The following CDC42EP4 variants were observed in gnomAD, a reference collection of about 807,000 sequenced individuals.
CDC42EP4 encodes the protein CDC42 effector protein 4, also known as CDC42 effector protein (Rho GTPase binding) 4.
CDC42EP4 carries 6 observed loss-of-function variants against 5.6 expected under a neutral mutation model. The observed-to-expected ratio is 1.07, with a 90% CI of 0.59 to 2.12. The LOEUF (loss-of-function observed/expected upper bound fraction) is 2.12, where lower values mean the gene tolerates loss of function less well. CDC42EP4 is among the 30% of genes most tolerant of loss of function. The pLI is 0.00. For synonymous variants in CDC42EP4, 230 were observed against 224.2 expected (o/e 1.03, Z -0.23); for missense variants, 490 against 508.6 (o/e 0.96, Z 0.35).
At chr17:73,295,920 A>C (rs997388538) in intron 1 of CDC42EP4, among the ~76,000 whole-genome samples, 14 of 151,756 alleles carry the variant, frequency 9.2e-5, no homozygotes, top group Non-Finnish European at 2.9e-5. Context: ...AAAAAAAAAA[A>C]AAGAATGATG....
chr17:73,310,787 A>G (rs1854423526), intron 1 of CDC42EP4: 3 of 120,686 alleles, frequency 2.5e-5, no homozygotes, highest in Admixed American at 8.1e-5. Flanking sequence ...ACACACACAC[A>G]CACACACGCA....
At chr17:73,306,312 A>G (rs930058707) in intron 1 of CDC42EP4, among the ~76,000 whole-genome samples, 3 of 150,694 alleles carry the variant, frequency 2.0e-5, no homozygotes, top group African/African-American at 7.4e-5. Flanking sequence ...CCTGGGCAGC[A>G]CAGTGAGACC....
intron 1 of CDC42EP4, among the ~76,000 whole-genome samples, chr17:73,296,205 G>A (rs1391719042): frequency 1.5e-5 from 2 of 134,130 alleles, no homozygotes. Flanking sequence ...CCAATATGGC[G>A]AAACCCTGTC....
rs921304998 is a variant in CDC42EP4 at position 73,286,592 on chromosome 17, C to T, written c.-92G>A. 20 of 869,284 alleles carry T rather than the reference C, an allele frequency of 2.3e-5. No homozygotes were observed. Among genetic ancestry groups the T allele is most frequent in the Non-Finnish European group, 3.1e-5 (18 of 577,374 alleles). 53.8% of individuals were successfully genotyped at this position (869,284 alleles called of 1,614,324 possible). On this transcript the variant is annotated 5_prime_UTR_variant, in exon 2 of 2. Transcript: ENST00000335793. This position sits in a 1 kb window ranked among gnomAD's most constrained non-coding sequence, Gnocchi z 7.7. ...TCCAAGTCCAGTGGGCAGAGGGGGA[C>T]GCAATGAGGAGATCATAAGGCTGCA...
intron 1 of CDC42EP4, among the ~76,000 whole-genome samples, chr17:73,299,156 G>T (rs976305569): frequency 3.9e-5 from 6 of 152,064 alleles, no homozygotes; most frequent in African/African-American, 1.4e-4. Context: ...GGGTGCAGTG[G>T]CTCACGCCTG....
chr17:73,284,348 ATAT>A lies in CDC42EP4; in HGVS notation c.*1079_*1081del, dbSNP rs1324964459. 1.3e-5 allele frequency: 2 copies of A among 152,134 alleles called. No homozygotes were observed. Among genetic ancestry groups the A allele is most frequent in the African/African-American group, 2.4e-5 (1 of 41,426 alleles). The allele number at this position is 152,134 out of a possible 1,614,324, so 9.4% of individuals were successfully genotyped here. On this transcript the variant is annotated 3_prime_UTR_variant, in exon 2 of 2. Coordinates refer to ENST00000335793, the MANE Select transcript of CDC42EP4 (RefSeq NM_012121.5). ...AAGGCTTTCCCCCCATAGGAATGAT[ATAT>A]TATTTAAAAAAAAAATCGTTCTCCA...
intron 1 of CDC42EP4, chr17:73,311,406 TC>T (rs2145334400): frequency 6.6e-6 from 1 of 152,422 alleles, no homozygotes; most frequent in African/African-American, 2.4e-5. Flanking sequence ...AGAATTCGGT[TC>T]TTATTCATGG....
At chr17:73,297,464 A>G (rs1281484507) in intron 1 of CDC42EP4, among the ~76,000 whole-genome samples, 1 of 151,982 alleles carries the variant, frequency 6.6e-6, no homozygotes, top group East Asian at 1.9e-4. Context: ...ATAGAGTGAG[A>G]CTCTGTCTCA....
chr17:73,309,077 G>A (rs937772138), intron 1 of CDC42EP4, among the ~76,000 whole-genome samples: 10 of 141,614 alleles, frequency 7.1e-5, no homozygotes, highest in Non-Finnish European at 1.2e-4. Context: ...CAGGTGCAGT[G>A]GCTCATACCT....
At chr17:73,303,483 G>A (rs1284294075) in intron 1 of CDC42EP4, among the ~76,000 whole-genome samples, 2 of 152,020 alleles carry the variant, frequency 1.3e-5, no homozygotes, top group Non-Finnish European at 2.9e-5. Flanking sequence ...CCAACATGGT[G>A]AGACCCTGTC....
At chr17:73,307,655 A>G (rs1283948939) in intron 1 of CDC42EP4, among the ~76,000 whole-genome samples, 2 of 151,202 alleles carry the variant, frequency 1.3e-5, no homozygotes, top group Non-Finnish European at 2.9e-5. Context: ...TCACTGTGTT[A>G]GTCAGGATGG....
At chr17:73,292,902 G>A (rs541273321) in intron 1 of CDC42EP4, among the ~76,000 whole-genome samples, 1 of 152,338 alleles carries the variant, frequency 6.6e-6, no homozygotes, top group African/African-American at 2.4e-5. Flanking sequence ...ATTTTTTGGA[G>A]AGACCAGGTT....
intron 1 of CDC42EP4, among the ~76,000 whole-genome samples, chr17:73,300,289 C>T (rs1195176253): frequency 6.6e-6 from 1 of 152,130 alleles, no homozygotes; most frequent in African/African-American, 2.4e-5. Flanking sequence ...TGTCTTCCCC[C>T]CACCACCCCC....
chr17:73,305,709 G>A lies in CDC42EP4; in HGVS notation c.-113+6184C>T, dbSNP rs779137059. Among the ~76,000 whole-genome samples the A allele has an allele frequency of 1.1e-4, 16 of 152,304 alleles. No homozygotes were observed. In the East Asian group the frequency reaches 1.9e-3, roughly 18 times the overall value. Reference sequence around the variant, plus strand: ...TACATAACTCCCAAGTGCTGTGCTCGGGTGAGCACAGTTCCATGTGTGCTA... The same window carrying A: ...TACATAACTCCCAAGTGCTGTGCTCAGGTGAGCACAGTTCCATGTGTGCTA... On this transcript the variant is annotated intron_variant, in intron 1 of 1. Coordinates refer to ENST00000335793, the MANE Select transcript of CDC42EP4 (RefSeq NM_012121.5).
intron 1 of CDC42EP4, among the ~76,000 whole-genome samples, chr17:73,308,839 G>A (rs1272042502): frequency 2.0e-5 from 3 of 151,302 alleles, no homozygotes; most frequent in African/African-American, 4.9e-5. Flanking sequence ...GTTCGCGACC[G>A]GCCTGGGCAA....
rs1470882490 is a variant in CDC42EP4, at chr17:73,284,125, G to A, written c.*1305C>T. On this transcript the variant is annotated 3_prime_UTR_variant, in exon 2 of 2. Transcript: ENST00000335793. Reference sequence around the variant, plus strand: ...CACATAAGTGTTCCAAATATTGCGTGGGGCATATTAATGCTAGAAAATTAT... The same window carrying A: ...CACATAAGTGTTCCAAATATTGCGTAGGGCATATTAATGCTAGAAAATTAT... 1.3e-5 allele frequency: 2 copies of A among 152,178 alleles called. No homozygotes were observed. The highest frequency in any genetic ancestry group is 2.4e-5 in the African/African-American group (1 of 41,438). 9.4% of individuals were successfully genotyped at this position (152,178 alleles called of 1,614,324 possible). A position where few individuals can be genotyped will look rare whatever the true frequency, so the allele number is the denominator to read the frequency against.
chr17:73,305,296 C>T (rs2062239350), intron 1 of CDC42EP4, among the ~76,000 whole-genome samples: 1 of 152,206 alleles, frequency 6.6e-6, no homozygotes, highest in Non-Finnish European at 1.5e-5. Context: ...GGTGGGGGGC[C>T]CCACTGCCCC....
At chr17:73,308,038 G>A (rs11870534) in intron 1 of CDC42EP4, among the ~76,000 whole-genome samples, 11,034 of 152,076 alleles carry the variant, frequency 0.073, 525 homozygotes, top group East Asian at 0.21. Flanking sequence ...CACTGTGCCC[G>A]GCCCTAATGT....
chr17:73,309,312 C>T (rs1054826140), intron 1 of CDC42EP4, among the ~76,000 whole-genome samples: 6 of 152,076 alleles, frequency 3.9e-5, no homozygotes, highest in African/African-American at 1.4e-4. Flanking sequence ...TATGACGCTG[C>T]ACCACAACCT....
Sources: gnomAD v4.1 joint callset for allele counts (sites outside exome capture counted in the v4.1 genomes callset) on GRCh38, gnomAD v4.1.1 for gene constraint, Gnocchi (gnomAD v3.1) non-coding constraint, MANE v1.5 for transcripts, NCBI Gene and HGNC (gene_info 2026-07-23, HGNC 2026-07-21) for gene names.